GJC1: variants seen among roughly 807,000 people sequenced by gnomAD.
GJC1 encodes the protein gap junction protein gamma 1.
A neutral mutation model predicts 29.3 loss-of-function variants in GJC1; 5 were observed. The ratio of observed to expected loss-of-function variants is 0.17; its 90% CI spans 0.09 to 0.36. GJC1 has a LOEUF of 0.36. GJC1 is among the 10% of genes least tolerant of loss of function. The probability of loss-of-function intolerance (pLI) is 1.00; values close to 1 mark genes in which losing one functional copy is unlikely to be tolerated. For missense variants in GJC1, 310 were observed against 496.2 expected, an observed-to-expected ratio of 0.62 and a Z score of 3.56; for synonymous variants, 177 against 183.3, an observed-to-expected ratio of 0.97 and a Z score of 0.28.
chr17:44,824,377 T>C (rs980712408), intron 1 of GJC1, among the ~76,000 whole-genome samples: 4 of 152,022 alleles, frequency 2.6e-5, no homozygotes, highest in Non-Finnish European at 4.4e-5. Flanking sequence ...CAACTCACTG[T>C]AGCCTTCAAC....
upstream of GJC1, chr17:44,830,314 G>C (rs1227158557): frequency 1.3e-5 from 2 of 151,964 alleles, no homozygotes; most frequent in Non-Finnish European, 2.9e-5. This position sits in a 1 kb window ranked among gnomAD's most constrained non-coding sequence, Gnocchi z 4.3. Flanking sequence ...CTGCGGTGGG[G>C]GCGGGGGCGT....
intron 1 of GJC1, among the ~76,000 whole-genome samples, chr17:44,812,054 C>A (rs992363604): frequency 2.0e-5 from 3 of 151,758 alleles, no homozygotes; most frequent in Non-Finnish European, 4.4e-5. Context: ...GTGGCTCATG[C>A]CTGTAATGCC....
In GJC1 at chr17:44,807,484, G is replaced by A. The variant is rs201426970; in HGVS notation, c.-96-15C>T. The A allele has an allele frequency of 1.1e-4, 7 of 64,202 alleles. No individual in the cohort carries two copies. Among genetic ancestry groups the A allele is most frequent in the Middle Eastern group, 8.5e-3 (1 of 118 alleles). 4.0% of individuals were successfully genotyped at this position (64,202 alleles called of 1,614,324 possible). ...CCAGATTCCCTCTGGAAGGGAAAAA[G>A]AAAAGAGCAGGTCATAAGCTTTCTC... On this transcript the variant is annotated splice_polypyrimidine_tract_variant and intron_variant, in intron 1 of 2. Transcript: ENST00000592524.
At chr17:44,825,442 C>T (rs1485982593) in intron 1 of GJC1, among the ~76,000 whole-genome samples, 1 of 151,582 alleles carries the variant, frequency 6.6e-6, no homozygotes, top group Non-Finnish European at 1.5e-5. Context: ...GCCGAGATTG[C>T]GCGACTGCAC....
At chr17:44,827,235 G>A (rs953600811) in intron 1 of GJC1, among the ~76,000 whole-genome samples, 1 of 152,068 alleles carries the variant, frequency 6.6e-6, no homozygotes, top group Admixed American at 6.6e-5. Flanking sequence ...ACTTGAACTC[G>A]GGAGGCGGAG....
At chr17:44,811,651 T>C (rs1166853439) in intron 1 of GJC1, among the ~76,000 whole-genome samples, 1 of 152,060 alleles carries the variant, frequency 6.6e-6, no homozygotes, top group Non-Finnish European at 1.5e-5. Context: ...CCTTCCAAAG[T>C]ACTAGGATTA....
Position 44,805,470 on chromosome 17 carries a change from G to A in GJC1, c.348C>T (p.Pro116=), listed in dbSNP as rs748079538. The change falls in exon 3 of 3, where the codon CCC becomes CCT. Residue 116 remains proline, a synonymous_variant. Coordinates refer to ENST00000592524, the MANE Select transcript of GJC1 (RefSeq NM_005497.4). The surrounding 1 kb of genome is among the most constrained non-coding windows in gnomAD (Gnocchi z 5.1). ...EADKKAARSK[P]YAMRWKQHRA... ...GGTGTTGTTTCCAGCGCATTGCATA[G>A]GGCTTGCTCCGAGCTGCCTTCTTGT... The A allele has an allele frequency of 1.8e-5, 29 of 1,613,996 alleles. No individual in the cohort carries two copies. In the East Asian group the frequency reaches 6.5e-4, roughly 36 times the overall value.
At chr17:44,824,808 TA>T (rs11462802) in intron 1 of GJC1, among the ~76,000 whole-genome samples, 7,290 of 95,962 alleles carry the variant, frequency 0.076, 244 homozygotes, top group Non-Finnish European at 0.11. Flanking sequence ...AAGACTGTCT[TA>T]AAAAAAAAAA....
At chr17:44,814,949 A>G (rs189212366) in intron 1 of GJC1, among the ~76,000 whole-genome samples, 67 of 152,216 alleles carry the variant, frequency 4.4e-4, no homozygotes, top group Non-Finnish European at 7.8e-4. Context: ...CTTAGGAAAA[A>G]AAAAAAAAAT....
rs987016061 is a variant in GJC1 at position 44,803,207 on chromosome 17, T to C, written c.*1420A>G. 4 of 152,094 alleles carry C rather than the reference T, an allele frequency of 2.6e-5. No homozygotes were observed. Among genetic ancestry groups the C allele is most frequent in the Admixed American group, 2.6e-4 (4 of 15,240 alleles). 9.4% of individuals were successfully genotyped at this position (152,094 alleles called of 1,614,324 possible). A position where few individuals can be genotyped will look rare whatever the true frequency, so the allele number is the denominator to read the frequency against. ...TACAACAGCTTTCATTAGAAAAGGG[T>C]GAGACGCCCAAATAAAATGCTCCCT... On this transcript the variant is annotated 3_prime_UTR_variant, in exon 3 of 3. Coordinates refer to ENST00000592524, the MANE Select transcript of GJC1 (RefSeq NM_005497.4).
chr17:44,796,492 T>A (rs2049783909), downstream of GJC1, among the ~76,000 whole-genome samples: 1 of 152,220 alleles, frequency 6.6e-6, no homozygotes, highest in Non-Finnish European at 1.5e-5. Context: ...TCATGTGCTA[T>A]GCCAGGTCTA....
Position 44,804,736 on chromosome 17 carries a change from T to C in GJC1, c.1082A>G (p.Asn361Ser). ...CTTCTTCTCCCGGGGACCATGAGGG[T>C]TGTTTTGGTGACTGTAGGCCTGAAC... is the stretch of plus-strand genomic sequence containing the variant. ...LAVQAYSHQNNPHGPREKKAK... is the reference protein window; with the variant it reads ...LAVQAYSHQNSPHGPREKKAK... Residue 361 changes from asparagine (N) to serine (S), a missense_variant, in exon 3 of 3, where the codon AAC becomes AGC. Asn to Ser is a conservative substitution (Grantham distance 46, BLOSUM62 1). Around this residue, in one of 4 missense-constraint regions of GJC1, gnomAD observed 146 missense variants for 165.0 expected, o/e 0.88. Transcript: ENST00000592524. 1 of 1,614,014 alleles carries C rather than the reference T, an allele frequency of 6.2e-7. No homozygotes were observed.
At chr17:44,796,186 C>T (rs570506843), downstream of GJC1, among the ~76,000 whole-genome samples, 40 of 152,316 alleles carry the variant, frequency 2.6e-4, no homozygotes, top group Admixed American at 1.2e-3. Flanking sequence ...CACCTAGGTC[C>T]GTGGGGGTGG....
At position 44,810,628 on chromosome 17, in the gene GJC1, A is replaced by C. The variant is rs116426030; in HGVS notation, c.-96-3159T>G. On this transcript the variant is annotated intron_variant, in intron 1 of 2. Coordinates refer to ENST00000592524, the MANE Select transcript of GJC1 (RefSeq NM_005497.4). ...ACAAAATGTTGAGAAGATCCACAAC[A>C]ACCAGGGGTTTTCTCCACAAAACTC... Among the ~76,000 whole-genome samples, 159 of 152,242 alleles carry C rather than the reference A, an allele frequency of 1.0e-3. 2 individuals are homozygous for C. The highest frequency in any genetic ancestry group is 3.7e-3 in the African/African-American group (154 of 41,558).
At chr17:44,794,843 A>G (rs947485552), downstream of GJC1, 1 of 152,190 alleles carries the variant, frequency 6.6e-6, no homozygotes, top group African/African-American at 2.4e-5. Context: ...GGCTGAGGGC[A>G]AAGACAAAGT....
intron 1 of GJC1, among the ~76,000 whole-genome samples, chr17:44,812,702 C>T (rs761893648): frequency 1.3e-5 from 2 of 151,826 alleles, no homozygotes; most frequent in Admixed American, 6.6e-5. Context: ...GGCTGGAGTG[C>T]AGTGGCACAA....
At chr17:44,797,124 G>T (rs965797221), downstream of GJC1, among the ~76,000 whole-genome samples, 14 of 151,390 alleles carry the variant, frequency 9.2e-5, no homozygotes, top group Non-Finnish European at 2.1e-4. Context: ...TATTTTTTTT[G>T]AGACAGAGCC....
intron 1 of GJC1, among the ~76,000 whole-genome samples, chr17:44,812,217 G>C (rs533261441): frequency 2.7e-5 from 4 of 150,768 alleles, no homozygotes; most frequent in Admixed American, 2.6e-4. Context: ...AGGACTACAA[G>C]CTGAGGCTGA....
Position 44,802,681 on chromosome 17 carries a change from T to C in GJC1, c.*1946A>G, listed in dbSNP as rs1299802739. 6.6e-6 allele frequency: 1 copy of C among 151,920 alleles called. No homozygotes were observed. The highest frequency in any genetic ancestry group is 1.9e-4 in the East Asian group (1 of 5,184). The allele number at this position is 151,920 out of a possible 1,614,324, so 9.4% of individuals were successfully genotyped here. A position where few individuals can be genotyped will look rare whatever the true frequency, so the allele number is the denominator to read the frequency against. The stretch of plus-strand genomic sequence containing the variant: ...TTTTAAAAAAGCAAATAAAAGTAAA[T>C]GAATGGCTAAAAGATAAGGTTAAAT... On this transcript the variant is annotated 3_prime_UTR_variant, in exon 3 of 3. Coordinates refer to ENST00000592524, the MANE Select transcript of GJC1 (RefSeq NM_005497.4).
Sources: gnomAD v4.1 joint callset for allele counts (sites outside exome capture counted in the v4.1 genomes callset) on GRCh38, gnomAD v4.1.1 for gene constraint, gnomAD v4.1.1 regional missense constraint, Gnocchi (gnomAD v3.1) non-coding constraint, MANE v1.5 for transcripts, NCBI Gene and HGNC (gene_info 2026-07-23, HGNC 2026-07-21) for gene names.